The following ZPLD1 variants were observed in gnomAD, a reference collection of about 807,000 sequenced individuals.
ZPLD1 encodes zona pellucida like domain containing 1.
A neutral mutation model predicts 47.2 loss-of-function variants in ZPLD1; 34 were observed. The observed-to-expected ratio is 0.72, with a 90% CI of 0.55 to 0.96. ZPLD1 has a LOEUF of 0.96. Among genes scored for constraint, ZPLD1 ranks in the 40% least tolerant of loss-of-function variants. The pLI, the probability that ZPLD1 is intolerant of heterozygous loss-of-function variation, is 0.00. For synonymous variants in ZPLD1, 176 were observed against 186.2 expected (o/e 0.95, Z 0.45); for missense variants, 512 against 505.8 (o/e 1.01, Z -0.12).
chr3:102,404,754 C>T (rs1353326359), intron 7 of ZPLD1, among the ~76,000 whole-genome samples: 1 of 151,936 alleles, frequency 6.6e-6, no homozygotes, highest in South Asian at 2.1e-4. Flanking sequence ...ATTTCCAGTT[C>T]AACTCTAAGT....
intron 7 of ZPLD1, among the ~76,000 whole-genome samples, chr3:102,417,185 C>T (rs990180533): frequency 5.3e-5 from 8 of 151,824 alleles, no homozygotes; most frequent in South Asian, 4.1e-4. Context: ...TTACCGTTAG[C>T]GCAATGTGCT....
chr3:102,396,197 A>C (rs1370947496), intron 7 of ZPLD1, among the ~76,000 whole-genome samples: 1 of 152,160 alleles, frequency 6.6e-6, no homozygotes, highest in Non-Finnish European at 1.5e-5. Context: ...GCTGTGCTTC[A>C]CTACTTTTAA....
intron 7 of ZPLD1, among the ~76,000 whole-genome samples, chr3:102,416,540 A>C (rs1442444602): frequency 6.6e-6 from 1 of 151,954 alleles, no homozygotes; most frequent in African/African-American, 2.4e-5. Flanking sequence ...AACACACATG[A>C]GTCTCTGGAG....
chr3:102,456,110 G>A, intron 4 of ZPLD1, 83 bp from the exon 5 acceptor site: 1 of 1,139,376 alleles, frequency 8.8e-7, no homozygotes, highest in Non-Finnish European at 1.2e-6. Flanking sequence ...AATAGATTTT[G>A]CTTAATGTTT....
intron 6 of ZPLD1, among the ~76,000 whole-genome samples, chr3:102,459,015 G>T (rs1431657350): frequency 1.3e-5 from 2 of 150,504 alleles, no homozygotes; most frequent in Non-Finnish European, 3.0e-5. Context: ...GCGTGAACCC[G>T]GGAGGCGGAG....
At chr3:102,419,501 A>G (rs939543333) in intron 8 of ZPLD1, among the ~76,000 whole-genome samples, 4 of 151,982 alleles carry the variant, frequency 2.6e-5, no homozygotes, top group Non-Finnish European at 4.4e-5. Context: ...CAAATTCTAC[A>G]TTTCTTTGTT....
intron 7 of ZPLD1, among the ~76,000 whole-genome samples, chr3:102,412,122 A>G (rs1706753146): frequency 6.6e-6 from 1 of 151,670 alleles, no homozygotes. Flanking sequence ...TTCACATTGG[A>G]TGAGGCCTAT....
chr3:102,466,594 A>G (rs1317718274), intron 8 of ZPLD1, among the ~76,000 whole-genome samples: 2 of 152,160 alleles, frequency 1.3e-5, no homozygotes, highest in Non-Finnish European at 2.9e-5. Context: ...ATAGGACAGT[A>G]AAAGCCATGG....
chr3:102,430,593 T>C (rs1419411328), upstream of ZPLD1, among the ~76,000 whole-genome samples: 1 of 152,196 alleles, frequency 6.6e-6, no homozygotes, highest in African/African-American at 2.4e-5. Context: ...AGAGGAGTAC[T>C]ATAGGAAAAA....
intron 7 of ZPLD1, among the ~76,000 whole-genome samples, chr3:102,413,919 T>TA (rs1297072619): frequency 2.6e-5 from 4 of 151,512 alleles, no homozygotes; most frequent in African/African-American, 7.3e-5. Context: ...TTTTTTTTTG[T>TA]AAAAAAAATG....
intron 2 of ZPLD1, among the ~76,000 whole-genome samples, chr3:102,437,256 G>A (rs1246700540): frequency 6.6e-6 from 1 of 152,222 alleles, no homozygotes; most frequent in Non-Finnish European, 1.5e-5. Flanking sequence ...GCCAAAGGAA[G>A]GAAGTTCCTG....
intron 7 of ZPLD1, among the ~76,000 whole-genome samples, chr3:102,411,328 T>C (rs892792): frequency 0.013 from 2,009 of 151,906 alleles, 21 homozygotes; most frequent in South Asian, 0.033. Context: ...TCAATACTTA[T>C]TTGGGATTAT....
rs143333711 is a variant in ZPLD1, at chr3:102,420,471, G to A, written c.-9+2264G>A. ...GTCTCTGTTATAATTACTAAAATACGTCACTGTATCTCAAAAGCAGCCAAA... is the reference window on the plus strand; with the variant it reads ...GTCTCTGTTATAATTACTAAAATACATCACTGTATCTCAAAAGCAGCCAAA... On this transcript the variant is annotated intron_variant, in intron 8 of 17. Transcript: ENST00000491959. 3.8e-4 allele frequency among the ~76,000 whole-genome samples: 57 copies of A among 151,906 alleles called. No homozygotes were observed. The East Asian group carries it at 7.4e-3, about 20-fold the overall frequency.
chr3:102,395,636 G>A (rs772967177), intron 7 of ZPLD1, among the ~76,000 whole-genome samples: 1 of 152,138 alleles, frequency 6.6e-6, no homozygotes, highest in Non-Finnish European at 1.5e-5. Context: ...GAACAAATTT[G>A]TGTTGTTTTA....
chr3:102,425,281 ATG>A (rs1706930498), intron 8 of ZPLD1, among the ~76,000 whole-genome samples: 1 of 152,108 alleles, frequency 6.6e-6, no homozygotes, highest in East Asian at 1.9e-4. Flanking sequence ...CAGTTTTGCC[ATG>A]ATGAATCTTG....
chr3:102,444,455 CT>C (rs1260810459), intron 3 of ZPLD1, among the ~76,000 whole-genome samples: 15 of 152,074 alleles, frequency 9.9e-5, no homozygotes, highest in African/African-American at 3.6e-4. Context: ...TTTAGGACTT[CT>C]AGCTCTTTTA....
At chr3:102,441,365 G>A (rs945292743) in intron 3 of ZPLD1, among the ~76,000 whole-genome samples, 2 of 152,170 alleles carry the variant, frequency 1.3e-5, no homozygotes, top group Non-Finnish European at 2.9e-5. Context: ...GTTGTTAAAA[G>A]TGGGGACTCA....
At chr3:102,469,770 G>T (rs2107354416) in intron 9 of ZPLD1, among the ~76,000 whole-genome samples, 1 of 152,210 alleles carries the variant, frequency 6.6e-6, no homozygotes, top group South Asian at 2.1e-4. Context: ...AAAGTTAAAA[G>T]CAATGAAAGG....
chr3:102,470,336 C>G (rs578235851), intron 9 of ZPLD1, 58 bp from the exon 10 acceptor site: 1 of 1,345,748 alleles, frequency 7.4e-7, no homozygotes, highest in East Asian at 2.3e-5. Context: ...TCCAAATGGC[C>G]ATAAAGAAAC....
Sources: gnomAD v4.1 joint callset for allele counts (sites outside exome capture counted in the v4.1 genomes callset) on GRCh38, gnomAD v4.1.1 for gene constraint, MANE v1.5 for transcripts, NCBI Gene and HGNC (gene_info 2026-07-23, HGNC 2026-07-21) for gene names.